Variants in SLK observed in about 807,000 individuals in gnomAD.
The protein encoded by SLK is STE20 like kinase, also known as STE20-like serine/threonine-protein kinase.
In SLK, 67 loss-of-function variants were observed where a neutral mutation model predicts 147.7. The observed-to-expected ratio is 0.45, with a 90% CI of 0.37 to 0.56. The LOEUF (loss-of-function observed/expected upper bound fraction) is 0.56. Among genes scored for constraint, SLK ranks in the 20% least tolerant of loss-of-function variants. The pLI is 0.00. For synonymous variants in SLK, 441 were observed against 475.0 expected (o/e 0.93, Z 0.93); for missense variants, 1,136 against 1,438.8 (o/e 0.79, Z 3.41).
intron 13 of SLK, among the ~76,000 whole-genome samples, chr10:104,013,382 T>G (rs1373020183): frequency 2.6e-5 from 4 of 152,160 alleles, no homozygotes; most frequent in African/African-American, 9.7e-5. Context: ...GTTTATAAAC[T>G]GGGATTTTTG....
chr10:103,974,163 GTAT>G (rs1395317110), intron 1 of SLK, among the ~76,000 whole-genome samples: 2 of 151,934 alleles, frequency 1.3e-5, no homozygotes, highest in Non-Finnish European at 1.5e-5. Flanking sequence ...ACATTTTCTT[GTAT>G]TATTTATTTG....
intron 1 of SLK, among the ~76,000 whole-genome samples, chr10:103,972,443 C>T (rs1031616836): frequency 9.2e-5 from 14 of 152,228 alleles, no homozygotes; most frequent in East Asian, 5.8e-4. Context: ...GAGGCCGAGG[C>T]GGGCGGATCA....
intron 1 of SLK, among the ~76,000 whole-genome samples, chr10:103,986,632 C>T (rs373132401): frequency 4.7e-5 from 7 of 149,926 alleles, no homozygotes; most frequent in African/African-American, 9.8e-5. Flanking sequence ...TGGGGAACCC[C>T]GGGTTTAGTT....
At chr10:103,974,491 T>A (rs980581447) in intron 1 of SLK, 20 of 141,580 alleles carry the variant, frequency 1.4e-4, no homozygotes, top group Admixed American at 7.8e-4. Context: ...GGCGGGCGCC[T>A]GTAGTCCCAG....
chr10:103,976,216 A>G (rs1258935503), intron 1 of SLK, among the ~76,000 whole-genome samples: 1 of 152,142 alleles, frequency 6.6e-6, no homozygotes, highest in Non-Finnish European at 1.5e-5. Flanking sequence ...AATTTTTTAA[A>G]TTAAAAACCA....
intron 11 of SLK, among the ~76,000 whole-genome samples, chr10:104,007,387 C>A (rs898588172): frequency 1.3e-4 from 20 of 152,166 alleles, no homozygotes; most frequent in Middle Eastern, 3.4e-3. Flanking sequence ...GGGCAGATCA[C>A]TTGAGGGCAG....
intron 4 of SLK, among the ~76,000 whole-genome samples, chr10:103,994,137 A>C (rs1268022648): frequency 6.6e-6 from 1 of 152,116 alleles, no homozygotes; most frequent in Non-Finnish European, 1.5e-5. Context: ...GGTGCAAGTG[A>C]TTCTTCTGCC....
At chr10:103,999,778 A>G (rs1564657136) in intron 6 of SLK, 89 bp from the exon 7 acceptor site, 1 of 589,808 alleles carries the variant, frequency 1.7e-6, no homozygotes, top group Non-Finnish European at 3.0e-6. Flanking sequence ...TACATACATA[A>G]TGAAACTTAA....
rs1844271088 is a variant in SLK at position 104,002,897 on chromosome 10, T to C, written c.1719T>C (p.Asp573=). 1.2e-6 allele frequency: 2 copies of C among 1,614,032 alleles called. No individual in the cohort carries two copies. The highest frequency in any genetic ancestry group is 8.5e-7 in the Non-Finnish European group (1 of 1,179,998). Reference sequence around the variant, plus strand: ...GTGCTGAGGATACGCAGAGTAATGATGGGAAAGAAGTGGTCGAAGTAGGCC... The same window carrying C: ...GTGCTGAGGATACGCAGAGTAATGACGGGAAAGAAGTGGTCGAAGTAGGCC... The part of the protein sequence containing the change: ...EDSAEDTQSN[D]GKEVVEVGQK... The change falls in exon 9 of 19, where the codon GAT becomes GAC. Residue 573 remains aspartate, a synonymous_variant. Coordinates refer to ENST00000369755, the MANE Select transcript of SLK (RefSeq NM_014720.4).
intron 4 of SLK, 29 bp downstream of exon 4, chr10:103,993,162 G>A: frequency 6.6e-7 from 1 of 1,511,874 alleles, no homozygotes; most frequent in South Asian, 1.2e-5. Flanking sequence ...TAAAACATTA[G>A]AATTTTTACT....
chr10:104,005,785 G>C (rs1000320614), intron 10 of SLK, 94 bp downstream of exon 10: 1 of 1,490,864 alleles, frequency 6.7e-7, no homozygotes, highest in African/African-American at 1.4e-5. Flanking sequence ...TAAATTATTG[G>C]CTAATTTTTT....
At chr10:103,975,792 C>T (rs1843862170) in intron 1 of SLK, among the ~76,000 whole-genome samples, 1 of 152,150 alleles carries the variant, frequency 6.6e-6, no homozygotes, top group Non-Finnish European at 1.5e-5. Flanking sequence ...ATATGATTCA[C>T]GGCCCGGTGC....
At position 104,002,984 on chromosome 10, in the gene SLK, T is replaced by G. The variant is rs572763541; in HGVS notation, c.1806T>G (p.Ile602Met). The G allele has an allele frequency of 1.2e-6, 2 of 1,613,568 alleles. No individual in the cohort carries two copies. Among genetic ancestry groups the G allele is most frequent in the South Asian group, 2.2e-5 (2 of 91,022 alleles). The change falls in exon 9 of 19, where the codon ATT (isoleucine) becomes ATG (methionine). Residue 602 changes from isoleucine to methionine, a missense_variant. Physicochemically the swap from Ile to Met is conservative, Grantham distance 10. Coordinates refer to ENST00000369755, the MANE Select transcript of SLK (RefSeq NM_014720.4). ...PEAGGTKEVPIKEIVEMNEIE... is the reference protein window; with the variant it reads ...PEAGGTKEVPMKEIVEMNEIE... ...CTGGTGGTACTAAGGAAGTTCCTAT[T>G]AAAGAAATAGTTGAAATGAATGAAA...
chr10:104,005,300 A>G (rs767112715), intron 9 of SLK, among the ~76,000 whole-genome samples: 7 of 152,220 alleles, frequency 4.6e-5, no homozygotes, highest in Non-Finnish European at 1.0e-4. Context: ...CATAAAAGCT[A>G]TACATGAAGA....
intron 12 of SLK, 64 bp downstream of exon 12, chr10:104,008,420 A>G (rs1736572500): frequency 5.2e-6 from 6 of 1,160,608 alleles, no homozygotes; most frequent in South Asian, 1.5e-5. Context: ...TTTTAAGACT[A>G]TCTAAGGATT....
intron 7 of SLK, 37 bp downstream of exon 7, chr10:103,999,985 T>A: frequency 1.1e-6 from 1 of 881,544 alleles, no homozygotes; most frequent in Non-Finnish European, 1.8e-6. Flanking sequence ...ATATAATTAT[T>A]TTAACATCTA....
chr10:104,011,077 T>C (rs1844393804), intron 13 of SLK, among the ~76,000 whole-genome samples, 169 bp downstream of exon 13: 1 of 152,204 alleles, frequency 6.6e-6, no homozygotes, highest in Non-Finnish European at 1.5e-5. Flanking sequence ...TTCCTACTAA[T>C]GGTGACATTT....
chr10:103,967,964 A>C, intron 1 of SLK, 69 bp downstream of exon 1: 1 of 1,506,742 alleles, frequency 6.6e-7, no homozygotes, highest in Non-Finnish European at 9.2e-7. Context: ...TGGCGGGAGG[A>C]CTTCTGCTCC....
chr10:103,996,120 G>A (rs561850237), intron 4 of SLK, among the ~76,000 whole-genome samples: 2 of 152,230 alleles, frequency 1.3e-5, no homozygotes, highest in African/African-American at 4.8e-5. Flanking sequence ...TCCTCTGAAA[G>A]GGCTCTCTGA....
Sources: gnomAD v4.1 joint callset for allele counts (sites outside exome capture counted in the v4.1 genomes callset) on GRCh38, gnomAD v4.1.1 for gene constraint, MANE v1.5 for transcripts, NCBI Gene and HGNC (gene_info 2026-07-23, HGNC 2026-07-21) for gene names.